The following FARS2 variants were observed in gnomAD, a reference collection of about 807,000 sequenced individuals.
The protein encoded by FARS2 is phenylalanine--tRNA ligase, mitochondrial.
In FARS2, 40 loss-of-function variants were observed where a neutral mutation model predicts 46.4. That is an observed-to-expected ratio of 0.86 (90% CI 0.67 to 1.12). The LOEUF (loss-of-function observed/expected upper bound fraction) is 1.12, where lower values mean the gene tolerates loss of function less well. Ranked by LOEUF, FARS2 falls within the 50% of genes most tolerant of loss-of-function variation. The pLI is 0.00. For synonymous variants in FARS2, 234 were observed against 214.9 expected (o/e 1.09, Z -0.78); for missense variants, 513 against 567.9 (o/e 0.90, Z 0.98).
intron 6 of FARS2, among the ~76,000 whole-genome samples, chr6:5,705,048 A>G (rs1758657266): frequency 6.6e-6 from 1 of 152,184 alleles, no homozygotes; most frequent in Non-Finnish European, 1.5e-5. Flanking sequence ...CCATCTCTCT[A>G]AGCCTATCAG....
intron 2 of FARS2, among the ~76,000 whole-genome samples, chr6:5,393,451 T>A (rs571115465): frequency 1.6e-4 from 24 of 151,910 alleles, no homozygotes; most frequent in Admixed American, 7.9e-4. Context: ...GGTCAAGAGA[T>A]CGAGACCATC....
intron 5 of FARS2, among the ~76,000 whole-genome samples, chr6:5,560,094 G>C (rs1442462264): frequency 6.6e-6 from 1 of 152,126 alleles, no homozygotes; most frequent in African/African-American, 2.4e-5. Flanking sequence ...GGAGTAAATT[G>C]AATTGAGGAG....
intron 6 of FARS2, among the ~76,000 whole-genome samples, chr6:5,662,151 C>T (rs952835484): frequency 3.9e-5 from 6 of 152,156 alleles, no homozygotes; most frequent in African/African-American, 1.4e-4. Context: ...ATGGGTTTTC[C>T]ACCTAACGTA....
chr6:5,632,009 C>T (rs760996197), intron 6 of FARS2, among the ~76,000 whole-genome samples: 6 of 151,952 alleles, frequency 3.9e-5, no homozygotes, highest in Non-Finnish European at 8.8e-5. Context: ...TCTTTTTCAT[C>T]GGTAAATATG....
chr6:5,675,238 ACG>A lies in FARS2; in HGVS notation c.1217+61919_1217+61920del, dbSNP rs1554124163. Among the ~76,000 whole-genome samples the A allele has an allele frequency of 3.4e-5, 5 of 146,968 alleles. No homozygotes were observed. In the East Asian group the frequency reaches 6.1e-4, roughly 18 times the overall value. Reference sequence around the variant, plus strand: ...CACACACACACACACACACACACACACGGTGCTATGTAGTAGCTGGTAACCAC... The same window carrying A: ...CACACACACACACACACACACACACAGTGCTATGTAGTAGCTGGTAACCAC... On this transcript the variant is annotated intron_variant, in intron 6 of 6. Transcript: ENST00000274680.
intron 4 of FARS2, among the ~76,000 whole-genome samples, chr6:5,489,318 A>C (rs412538): frequency 6.6e-6 from 1 of 151,926 alleles, no homozygotes; most frequent in African/African-American, 2.4e-5. Flanking sequence ...GCCAGGCGTG[A>C]TGGTGCACGC....
chr6:5,480,451 T>C (rs1317672032), intron 4 of FARS2, among the ~76,000 whole-genome samples: 2 of 152,246 alleles, frequency 1.3e-5, no homozygotes, highest in African/African-American at 4.8e-5. Flanking sequence ...TGGTTTATTG[T>C]ATCCGGTGTT....
intron 6 of FARS2, among the ~76,000 whole-genome samples, chr6:5,703,376 T>C (rs920871973): frequency 5.9e-5 from 9 of 152,172 alleles, no homozygotes; most frequent in Admixed American, 5.9e-4. Flanking sequence ...AAATAAGGTT[T>C]GTGGGTCCCT....
rs142553245 is a variant in FARS2, at chr6:5,678,023, C to T, written c.1217+64703C>T. ...CTGAGAGAGAAAACTAAGAGAAAAG[C>T]AAGAGAGATCAAGGCATCAAAGCCT... On this transcript the variant is annotated intron_variant, in intron 6 of 6. Transcript: ENST00000274680. 1.4e-4 allele frequency among the ~76,000 whole-genome samples: 22 copies of T among 152,182 alleles called. 1 individual carries two copies. The East Asian group carries it at 4.3e-3, about 29-fold the overall frequency.
chr6:5,544,739 T>C (rs1025989818), intron 4 of FARS2, among the ~76,000 whole-genome samples: 6 of 152,224 alleles, frequency 3.9e-5, no homozygotes, highest in Non-Finnish European at 8.8e-5. Context: ...AAGTTCGTTC[T>C]AAACATGTTA....
upstream of FARS2, chr6:5,260,888 C>T (rs535110535): frequency 3.3e-5 from 46 of 1,406,920 alleles, no homozygotes; most frequent in Admixed American, 6.7e-4. Flanking sequence ...GCGGGCAGCC[C>T]TGCGGATCGC....
At chr6:5,578,262 C>T (rs1010547314) in intron 5 of FARS2, among the ~76,000 whole-genome samples, 10 of 152,118 alleles carry the variant, frequency 6.6e-5, no homozygotes, top group Admixed American at 2.6e-4. Flanking sequence ...CAGCCAGGGT[C>T]CCCAGCCACT....
chr6:5,269,357 A>G (rs1765783584), intron 1 of FARS2, among the ~76,000 whole-genome samples: 1 of 141,650 alleles, frequency 7.1e-6, no homozygotes. Context: ...GGGAGGGGGG[A>G]GGGATAGCAT....
At chr6:5,644,057 G>T (rs1405268583) in intron 6 of FARS2, among the ~76,000 whole-genome samples, 1 of 152,088 alleles carries the variant, frequency 6.6e-6, no homozygotes, top group Non-Finnish European at 1.5e-5. Context: ...AGACATGCTT[G>T]TTGTGATGGC....
intron 6 of FARS2, among the ~76,000 whole-genome samples, chr6:5,646,663 T>C (rs896925320): frequency 6.6e-6 from 1 of 152,170 alleles, no homozygotes; most frequent in African/African-American, 2.4e-5. Flanking sequence ...TGATATAAAA[T>C]GGCATAGTAT....
chr6:5,699,119 C>G (rs1332127737), intron 6 of FARS2, among the ~76,000 whole-genome samples: 1 of 152,126 alleles, frequency 6.6e-6, no homozygotes, highest in African/African-American at 2.4e-5. Context: ...ACAAGCCCAC[C>G]CCATAGCAAC....
chr6:5,396,242 C>T (rs145380693), intron 2 of FARS2, among the ~76,000 whole-genome samples: 51 of 152,210 alleles, frequency 3.4e-4, no homozygotes, highest in African/African-American at 1.1e-3. Context: ...TTTTATCTTT[C>T]AGTTAATTTC....
At chr6:5,608,150 G>A (rs750452589) in intron 5 of FARS2, among the ~76,000 whole-genome samples, 4 of 152,076 alleles carry the variant, frequency 2.6e-5, no homozygotes, top group Non-Finnish European at 4.4e-5. Flanking sequence ...TAAGGATATC[G>A]TTTCAAGACC....
intron 4 of FARS2, among the ~76,000 whole-genome samples, chr6:5,522,197 C>A (rs1012941041): frequency 1.3e-5 from 2 of 152,206 alleles, no homozygotes; most frequent in African/African-American, 4.8e-5. Context: ...GAGCATATGA[C>A]CACCAAGGCC....
Sources: gnomAD v4.1 joint callset for allele counts (sites outside exome capture counted in the v4.1 genomes callset) on GRCh38, gnomAD v4.1.1 for gene constraint, MANE v1.5 for transcripts, NCBI Gene and HGNC (gene_info 2026-07-23, HGNC 2026-07-21) for gene names.